Variants in SPIRE1 observed in about 807,000 individuals in gnomAD.
SPIRE1 encodes protein spire homolog 1.
In SPIRE1, 40 loss-of-function variants were observed where a neutral mutation model predicts 94.1. That is an observed-to-expected ratio of 0.43 (90% CI 0.33 to 0.55). SPIRE1 has a LOEUF of 0.55. Among genes scored for constraint, SPIRE1 ranks in the 20% least tolerant of loss-of-function variants. SPIRE1 has a pLI of 0.06. For missense variants in SPIRE1, 838 were observed against 975.2 expected (o/e 0.86, Z 1.87); for synonymous variants, 376 against 371.7 (o/e 1.01, Z -0.13).
rs1184207932 is a variant in SPIRE1 at position 12,447,598 on chromosome 18, T to G, written c.*2040A>C. 1 of 152,208 alleles carries G rather than the reference T, an allele frequency of 6.6e-6. No individual in the cohort carries two copies. The highest frequency in any genetic ancestry group is 2.4e-5 in the African/African-American group (1 of 41,448). The allele number at this position is 152,208 out of a possible 1,614,324, so 9.4% of individuals were successfully genotyped here. On this transcript the variant is annotated 3_prime_UTR_variant, in exon 17 of 17. Transcript: ENST00000409402. The stretch of plus-strand genomic sequence containing the variant: ...GACCTCTTTAATGCACTTGGCAAAC[T>G]CCGTTAATGCTGTTGAAGAATGTAT...
Position 12,481,373 on chromosome 18 carries a change from A to G in SPIRE1, c.1232-1502T>C, listed in dbSNP as rs181957750. Among the ~76,000 whole-genome samples the G allele has an allele frequency of 3.7e-3, 555 of 150,840 alleles. 4 individuals are homozygous for G. The highest frequency in any genetic ancestry group is 0.013 in the African/African-American group (515 of 41,160). ...TAAGTACGAGAGGTAGAGCTCCAGG[A>G]AACACTTGGTATATAAGTGTGTTCT... is the stretch of plus-strand genomic sequence containing the variant. On this transcript the variant is annotated intron_variant, in intron 9 of 16. Transcript: ENST00000409402.
intron 2 of SPIRE1, among the ~76,000 whole-genome samples, chr18:12,615,955 C>A (rs2037296388): frequency 6.6e-6 from 1 of 152,184 alleles, no homozygotes; most frequent in South Asian, 2.1e-4. Flanking sequence ...TTGCAGAATT[C>A]TCTCAATCTT....
rs138855690 is a variant in SPIRE1 at position 12,514,828 on chromosome 18, T to C, written c.730-2297A>G. 1.6e-3 allele frequency among the ~76,000 whole-genome samples: 238 copies of C among 152,184 alleles called. 2 individuals are homozygous for C. Among genetic ancestry groups the C allele is most frequent in the Non-Finnish European group, 2.3e-3 (158 of 68,012 alleles). On this transcript the variant is annotated intron_variant, in intron 4 of 16. Coordinates refer to ENST00000409402, the MANE Select transcript of SPIRE1 (RefSeq NM_001128626.2). ...TTCAGCCAATAGGTGGATGAATAAA[T>C]AGGTAAAATAAAATAAAGAAGAAAA...
At chr18:12,524,375 G>A (rs2034443003) in intron 4 of SPIRE1, among the ~76,000 whole-genome samples, 1 of 152,050 alleles carries the variant, frequency 6.6e-6, no homozygotes, top group South Asian at 2.1e-4. Context: ...TGGCCGATGA[G>A]GTTTAAACCA....
At chr18:12,647,924 C>T (rs1796597147) in intron 1 of SPIRE1, among the ~76,000 whole-genome samples, 1 of 152,032 alleles carries the variant, frequency 6.6e-6, no homozygotes, top group Non-Finnish European at 1.5e-5. Context: ...CTTGCAGTGC[C>T]AGAAAGCAAG....
intron 4 of SPIRE1, chr18:12,516,052 C>T (rs2034185093): frequency 6.6e-6 from 1 of 152,180 alleles, no homozygotes; most frequent in African/African-American, 2.4e-5. Flanking sequence ...TTACAACAGA[C>T]ATCTCAGACA....
chr18:12,602,561 A>T (rs2036865959), intron 2 of SPIRE1, among the ~76,000 whole-genome samples: 1 of 152,166 alleles, frequency 6.6e-6, no homozygotes. Flanking sequence ...AGCCACTTTA[A>T]AGAAATCAGT....
intron 2 of SPIRE1, among the ~76,000 whole-genome samples, chr18:12,564,310 A>C (rs955421514): frequency 6.6e-6 from 1 of 152,170 alleles, no homozygotes; most frequent in Non-Finnish European, 1.5e-5. Context: ...AAATGAAACC[A>C]AGAAACTACT....
intron 12 of SPIRE1, among the ~76,000 whole-genome samples, chr18:12,461,412 G>GTA (rs1486063981): frequency 1.1e-4 from 6 of 56,728 alleles, no homozygotes; most frequent in South Asian, 1.4e-3. Context: ...CTATACACAT[G>GTA]TATGTGTGTG....
rs567381183 is a variant in SPIRE1 at position 12,606,130 on chromosome 18, C to G, written c.372+28932G>C. ...TCCTCTCTGTCCACCCACCCCTGCC[C>G]AATTATACTCTATCCCTTGCCCCCC... On this transcript the variant is annotated intron_variant, in intron 2 of 16. Coordinates refer to ENST00000409402, the MANE Select transcript of SPIRE1 (RefSeq NM_001128626.2). Among the ~76,000 whole-genome samples, 3 of 152,198 alleles carry G rather than the reference C, an allele frequency of 2.0e-5. No individual in the cohort carries two copies. The South Asian group carries it at 6.2e-4, about 32-fold the overall frequency.
In SPIRE1 at chr18:12,479,824, C is replaced by T; in HGVS notation, c.1279G>A (p.Val427Met). 3 of 1,614,132 alleles carry T rather than the reference C, an allele frequency of 1.9e-6. No individual in the cohort carries two copies. The highest frequency in any genetic ancestry group is 2.2e-5 in the East Asian group (1 of 44,886). ...GTTTGTGATGTCAAACCTCCATTCA[C>T]CATAGATGACTCCACAAGATTCTTT... ...STKNLVESSM[V>M]NGGLTSQTKE... The change falls in exon 10 of 17, where the codon GTG becomes ATG. Residue 427 changes from valine (V) to methionine (M), a missense_variant. Val to Met is a conservative substitution (Grantham distance 21). Around this residue, in one of 2 missense-constraint regions of SPIRE1, gnomAD observed 645 missense variants for 804.7 expected, o/e 0.80. Transcript: ENST00000409402.
chr18:12,574,896 G>A (rs1428251079), intron 2 of SPIRE1, among the ~76,000 whole-genome samples: 1 of 152,234 alleles, frequency 6.6e-6, no homozygotes, highest in Non-Finnish European at 1.5e-5. Context: ...ATCGTCATAT[G>A]TACTGAATGT....
chr18:12,600,466 T>A (rs542614125), intron 2 of SPIRE1, among the ~76,000 whole-genome samples: 3 of 152,342 alleles, frequency 2.0e-5, no homozygotes, highest in Non-Finnish European at 4.4e-5. Flanking sequence ...GTGAACTCTT[T>A]TGAAACTGTT....
At chr18:12,481,263 A>C (rs2032830714) in intron 9 of SPIRE1, among the ~76,000 whole-genome samples, 1 of 151,706 alleles carries the variant, frequency 6.6e-6, no homozygotes, top group African/African-American at 2.4e-5. Flanking sequence ...ACTGTGTCTC[A>C]AAAAAAAGAA....
At chr18:12,512,643 G>A in intron 4 of SPIRE1, 112 bp from the exon 5 acceptor site, 1 of 673,864 alleles carries the variant, frequency 1.5e-6, no homozygotes. Context: ...TGAAGGAGAT[G>A]GTACAGAATC....
At chr18:12,623,408 C>A (rs748948111) in intron 2 of SPIRE1, among the ~76,000 whole-genome samples, 1 of 152,102 alleles carries the variant, frequency 6.6e-6, no homozygotes, top group Non-Finnish European at 1.5e-5. Context: ...CCGCCTTGGC[C>A]TCCCAAAGTG....
intron 5 of SPIRE1, among the ~76,000 whole-genome samples, chr18:12,510,374 T>A (rs1320239124): frequency 6.6e-6 from 1 of 152,186 alleles, no homozygotes; most frequent in East Asian, 1.9e-4. Flanking sequence ...TGCAGCTTAT[T>A]GTATATCTAT....
intron 12 of SPIRE1, among the ~76,000 whole-genome samples, chr18:12,459,530 G>A (rs1396638756): frequency 1.3e-5 from 2 of 152,260 alleles, no homozygotes; most frequent in African/African-American, 4.8e-5. Flanking sequence ...AACACCCACA[G>A]GTCCCCTTCA....
intron 2 of SPIRE1, among the ~76,000 whole-genome samples, chr18:12,624,112 G>A (rs1252552943): frequency 2.7e-5 from 4 of 149,244 alleles, no homozygotes; most frequent in Non-Finnish European, 4.5e-5. Context: ...TAGTAGAGAC[G>A]GAGTTTCGCC....
Sources: gnomAD v4.1 joint callset for allele counts (sites outside exome capture counted in the v4.1 genomes callset) on GRCh38, gnomAD v4.1.1 for gene constraint, gnomAD v4.1.1 regional missense constraint, MANE v1.5 for transcripts, NCBI Gene and HGNC (gene_info 2026-07-23, HGNC 2026-07-21) for gene names.